NPSR1: variants seen among roughly 807,000 people sequenced by gnomAD.
NPSR1 encodes the protein neuropeptide S receptor.
A neutral mutation model predicts 46.9 loss-of-function variants in NPSR1; 48 were observed. The observed-to-expected ratio is 1.02, with a 90% CI of 0.81 to 1.30. NPSR1 has a LOEUF of 1.30. Among genes scored for constraint, NPSR1 ranks in the 50% most tolerant of loss-of-function variants. The pLI, the probability that NPSR1 is intolerant of heterozygous loss-of-function variation, is 0.00. For missense variants in NPSR1, 450 were observed against 449.5 expected (o/e 1.00, Z -0.01); for synonymous variants, 176 against 168.1 (o/e 1.05, Z -0.36).
At chr7:34,772,351 A>G (rs1354577135) in intron 2 of NPSR1, among the ~76,000 whole-genome samples, 2 of 152,162 alleles carry the variant, frequency 1.3e-5, no homozygotes, top group East Asian at 1.9e-4. Flanking sequence ...CCAAAGTTGC[A>G]GTTTCTTTTG....
Position 34,689,755 on chromosome 7 carries a change from C to A in NPSR1, c.280+5071C>A, listed in dbSNP as rs186865335. On this transcript the variant is annotated intron_variant, in intron 2 of 8. Coordinates refer to ENST00000360581, the MANE Select transcript of NPSR1 (RefSeq NM_207172.2). ...CTTAGGAATTCGTAACCAACCTGGG[C>A]AACATAGTGAGACCCCCATCTCTGC... Among the ~76,000 whole-genome samples, 196 of 151,532 alleles carry A rather than the reference C, an allele frequency of 1.3e-3. 1 individual carries two copies. Among genetic ancestry groups the A allele is most frequent in the Admixed American group, 3.5e-3 (53 of 15,240 alleles).
intron 2 of NPSR1, among the ~76,000 whole-genome samples, chr7:34,764,137 C>G (rs1432122715): frequency 2.0e-5 from 3 of 152,152 alleles, no homozygotes; most frequent in African/African-American, 7.2e-5. Flanking sequence ...AAAGTCTTGG[C>G]TCTACATTAA....
chr7:34,847,524 C>T (rs1311866369), intron 7 of NPSR1, among the ~76,000 whole-genome samples: 2 of 152,024 alleles, frequency 1.3e-5, no homozygotes, highest in South Asian at 4.2e-4. Context: ...GGTTCTAGTC[C>T]AAGTCTGAGT....
intron 8 of NPSR1, among the ~76,000 whole-genome samples, chr7:34,858,674 A>G (rs1372181940): frequency 2.6e-5 from 4 of 151,866 alleles, no homozygotes; most frequent in Non-Finnish European, 5.9e-5. Context: ...GTCACATCTT[A>G]CATGGATGGC....
intron 2 of NPSR1, among the ~76,000 whole-genome samples, chr7:34,717,452 A>G (rs1783637216): frequency 6.6e-6 from 1 of 152,216 alleles, no homozygotes; most frequent in Non-Finnish European, 1.5e-5. Flanking sequence ...CTTATCAGTC[A>G]GTATACCTCA....
intron 2 of NPSR1, 88 bp from the exon 3 acceptor site, chr7:34,778,374 A>G (rs1787073627): frequency 2.8e-6 from 2 of 724,002 alleles, no homozygotes. Context: ...CCTCCCCAGG[A>G]TTTCATTTCT....
chr7:34,750,747 C>T, intron 2 of NPSR1: 1 of 694,628 alleles, frequency 1.4e-6, no homozygotes, highest in Non-Finnish European at 2.7e-6. Flanking sequence ...GGGCCTTGCT[C>T]TGTGAGGGGC....
intron 4 of NPSR1, among the ~76,000 whole-genome samples, chr7:34,812,107 C>A (rs1333222991): frequency 6.6e-6 from 1 of 152,108 alleles, no homozygotes. Flanking sequence ...CAGCCCAGAG[C>A]CACTAAGGAA....
At chr7:34,806,554 G>A (rs754404426) in intron 3 of NPSR1, among the ~76,000 whole-genome samples, 2 of 152,094 alleles carry the variant, frequency 1.3e-5, no homozygotes, top group Non-Finnish European at 2.9e-5. Flanking sequence ...TTAGGACAGT[G>A]AAACTCTTCT....
chr7:34,673,943 G>A (rs940725182), intron 1 of NPSR1, among the ~76,000 whole-genome samples: 1 of 152,168 alleles, frequency 6.6e-6, no homozygotes, highest in African/African-American at 2.4e-5. Flanking sequence ...ACAGGAGGTC[G>A]TGATGACAAT....
intron 3 of NPSR1, among the ~76,000 whole-genome samples, chr7:34,796,188 C>T (rs1218905492): frequency 1.3e-5 from 2 of 151,878 alleles, no homozygotes; most frequent in African/African-American, 4.8e-5. Context: ...AGAAGACATC[C>T]ACACGCCTAA....
At chr7:34,668,386 A>C (rs1365697837) in intron 1 of NPSR1, among the ~76,000 whole-genome samples, 1 of 152,220 alleles carries the variant, frequency 6.6e-6, no homozygotes, top group African/African-American at 2.4e-5. Flanking sequence ...CAATGTATTT[A>C]GTCCCTTTTC....
chr7:34,810,963 ACTC>A (rs1177692726), intron 3 of NPSR1, among the ~76,000 whole-genome samples: 1 of 151,966 alleles, frequency 6.6e-6, no homozygotes, highest in East Asian at 1.9e-4. Context: ...TCAAGCTCAA[ACTC>A]CTTATAGGAG....
At chr7:34,663,067 C>CTCTCTCTCTCTCTCTCTCTGTGTG (rs35826710) in intron 1 of NPSR1, among the ~76,000 whole-genome samples, 5 of 99,384 alleles carry the variant, frequency 5.0e-5, no homozygotes, top group South Asian at 3.0e-4. Flanking sequence ...CTCTCTCTCT[C>CTCTCTCTCTCTCTCTCTCTGTGTG]TGTGTGTGTG....
At chr7:34,811,885 C>G (rs186939149) in intron 4 of NPSR1, 22 bp downstream of exon 4, 1 of 1,538,170 alleles carries the variant, frequency 6.5e-7, no homozygotes, top group Non-Finnish European at 9.0e-7. Context: ...TTACCAGGTG[C>G]TCTTTCATAA....
intron 8 of NPSR1, among the ~76,000 whole-genome samples, chr7:34,860,389 T>A (rs764932363): frequency 4.0e-5 from 6 of 151,880 alleles, no homozygotes; most frequent in Non-Finnish European, 8.8e-5. Flanking sequence ...ATGTTAAAAA[T>A]TAAAACTGAA....
chr7:34,791,194 GTTATATA>G (rs1562731398), intron 3 of NPSR1, among the ~76,000 whole-genome samples: 2 of 54,036 alleles, frequency 3.7e-5, no homozygotes, highest in African/African-American at 2.1e-4. Context: ...TATGTTATAT[GTTATATA>G]TTATATTATA....
intron 2 of NPSR1, among the ~76,000 whole-genome samples, chr7:34,691,283 T>C (rs1274991944): frequency 6.6e-6 from 1 of 152,154 alleles, no homozygotes; most frequent in Non-Finnish European, 1.5e-5. Flanking sequence ...GACACACAGA[T>C]ACAAAGCTCA....
At chr7:34,792,717 A>T (rs188318501) in intron 3 of NPSR1, among the ~76,000 whole-genome samples, 1,729 of 103,460 alleles carry the variant, frequency 0.017, 57 homozygotes, top group Non-Finnish European at 0.025. Context: ...ATATATATTT[A>T]TATATATATA....
Sources: allele counts gnomAD v4.1 joint callset (sites outside exome capture counted in the v4.1 genomes callset), GRCh38; gene constraint gnomAD v4.1.1; transcripts MANE v1.5; gene names NCBI Gene and HGNC (gene_info 2026-07-23, HGNC 2026-07-21).